Variants in CDK14 observed in about 807,000 individuals in gnomAD.
CDK14 encodes cyclin dependent kinase 14.
In CDK14, 34 loss-of-function variants were observed where a neutral mutation model predicts 60.7. The ratio of observed to expected loss-of-function variants is 0.56; its 90% confidence interval spans 0.43 to 0.75. The LOEUF is 0.75. Ranked by LOEUF, CDK14 falls within the 30% of genes least tolerant of loss-of-function variation. CDK14 has a pLI of 0.00. For missense variants in CDK14, 482 were observed against 564.1 expected (o/e 0.85, Z 1.47); for synonymous variants, 197 against 203.7 (o/e 0.97, Z 0.28).
At chr7:90,975,029 A>T (rs2115573063) in intron 9 of CDK14, among the ~76,000 whole-genome samples, 1 of 152,306 alleles carries the variant, frequency 6.6e-6, no homozygotes, top group Non-Finnish European at 1.5e-5. Flanking sequence ...AATGGTGGCT[A>T]ATACATTTAC....
At chr7:90,763,294 G>A (rs573500664) in intron 4 of CDK14, among the ~76,000 whole-genome samples, 1 of 152,246 alleles carries the variant, frequency 6.6e-6, no homozygotes, top group Admixed American at 6.5e-5. Context: ...GATCAGTACT[G>A]CCAAAGTAAA....
At chr7:90,890,551 A>C (rs151295785) in intron 6 of CDK14, among the ~76,000 whole-genome samples, 1,753 of 152,240 alleles carry the variant, frequency 0.012, 46 homozygotes, top group African/African-American at 0.04. Context: ...AATGATTCTC[A>C]TGTATTGGAA....
At chr7:90,627,248 T>C (rs1049107329) in intron 2 of CDK14, among the ~76,000 whole-genome samples, 1 of 152,086 alleles carries the variant, frequency 6.6e-6, no homozygotes, top group Non-Finnish European at 1.5e-5. Flanking sequence ...TCTCCTTTTT[T>C]GTCCAGGTTG....
At chr7:90,637,842 G>C (rs1308190777) in intron 2 of CDK14, among the ~76,000 whole-genome samples, 1 of 149,430 alleles carries the variant, frequency 6.7e-6, no homozygotes, top group Non-Finnish European at 1.5e-5. Context: ...TATATATTTA[G>C]GATAGTTAGC....
intron 14 of CDK14, among the ~76,000 whole-genome samples, chr7:91,206,237 A>C (rs1375089031): frequency 6.6e-6 from 1 of 152,158 alleles, no homozygotes; most frequent in Non-Finnish European, 1.5e-5. Context: ...TGAAGTCTCA[A>C]AAAAAGGACA....
intron 2 of CDK14, among the ~76,000 whole-genome samples, chr7:90,669,263 A>G (rs1417258054): frequency 1.3e-5 from 2 of 152,082 alleles, no homozygotes; most frequent in Non-Finnish European, 2.9e-5. Flanking sequence ...CAAACAACCA[A>G]GTTGTAATGG....
chr7:90,752,708 A>G (rs6945361), intron 4 of CDK14, among the ~76,000 whole-genome samples: 1,884 of 152,258 alleles, frequency 0.012, 12 homozygotes, highest in Non-Finnish European at 0.019. Flanking sequence ...TTAAAAATAA[A>G]TGAAATCAAA....
intron 8 of CDK14, among the ~76,000 whole-genome samples, chr7:90,935,694 C>G (rs935100718): frequency 2.0e-5 from 3 of 151,976 alleles, no homozygotes; most frequent in Middle Eastern, 3.4e-3. Flanking sequence ...CATGTATTTG[C>G]TTTTACAATT....
rs1468969446 is a variant in CDK14 at position 91,177,072 on chromosome 7, C to T, written c.*29-30093C>T. On this transcript the variant is annotated intron_variant, in intron 14 of 14. Transcript: ENST00000380050. ...GCAAAAATCCTCAATAAAATACTGG[C>T]AAACTGAATCCAGCAGCACATCAAA... Among the ~76,000 whole-genome samples, 379 of 149,660 alleles carry T rather than the reference C, an allele frequency of 2.5e-3. 3 individuals are homozygous for T. The highest frequency in any genetic ancestry group is 8.1e-3 in the African/African-American group (332 of 41,076).
chr7:91,137,218 T>A (rs1172798977), intron 14 of CDK14, among the ~76,000 whole-genome samples: 2 of 152,220 alleles, frequency 1.3e-5, no homozygotes, highest in African/African-American at 4.8e-5. Flanking sequence ...AAGTGGTGCA[T>A]TTCTTTCTCC....
At position 90,843,791 on chromosome 7, in the gene CDK14, A is replaced by G. The variant is rs140605076; in HGVS notation, c.545-19384A>G. ...GAAAATGCTTGTAAAGGCATGCTGT[A>G]GGGAAGGTCAATAGCCTGGAAGAAA... On this transcript the variant is annotated intron_variant, in intron 5 of 14. Coordinates refer to ENST00000380050, the MANE Select transcript of CDK14 (RefSeq NM_001287135.2). 2.9e-3 allele frequency among the ~76,000 whole-genome samples: 438 copies of G among 152,316 alleles called. 3 individuals carry two copies. Among genetic ancestry groups the G allele is most frequent in the African/African-American group, 0.01 (418 of 41,584 alleles).
chr7:91,200,622 T>C (rs761115681), intron 14 of CDK14, among the ~76,000 whole-genome samples: 1 of 152,160 alleles, frequency 6.6e-6, no homozygotes, highest in Non-Finnish European at 1.5e-5. Context: ...GGCCCTGGTT[T>C]TCTGACTGTG....
At chr7:90,848,500 C>T (rs910447927) in intron 5 of CDK14, among the ~76,000 whole-genome samples, 1 of 152,206 alleles carries the variant, frequency 6.6e-6, no homozygotes, top group African/African-American at 2.4e-5. Context: ...GCTGTTGGCT[C>T]TCTGTTGCTA....
chr7:91,168,239 CG>C (rs1562978524), intron 14 of CDK14, among the ~76,000 whole-genome samples: 1 of 138,932 alleles, frequency 7.2e-6, no homozygotes, highest in Non-Finnish European at 1.5e-5. Context: ...TCCAGCCTGG[CG>C]ACAGTGTGAG....
chr7:90,642,630 T>A (rs2116447234), intron 2 of CDK14, among the ~76,000 whole-genome samples: 1 of 152,330 alleles, frequency 6.6e-6, no homozygotes, highest in African/African-American at 2.4e-5. Context: ...TCTGCCTGCC[T>A]TGGCCTCCCA....
intron 8 of CDK14, among the ~76,000 whole-genome samples, chr7:90,932,707 TG>T (rs571504641): frequency 4.9e-4 from 74 of 152,322 alleles, no homozygotes; most frequent in African/African-American, 1.7e-3. Flanking sequence ...AGTTTCTGTG[TG>T]GTAAGAGTCT....
intron 2 of CDK14, among the ~76,000 whole-genome samples, chr7:90,662,543 A>G (rs556292319): frequency 6.6e-6 from 1 of 152,336 alleles, no homozygotes; most frequent in South Asian, 2.1e-4. Context: ...CTCTGTTAAG[A>G]GGAATAACCT....
At chr7:91,067,278 T>A (rs1037503689) in intron 11 of CDK14, among the ~76,000 whole-genome samples, 2 of 152,230 alleles carry the variant, frequency 1.3e-5, no homozygotes, top group Non-Finnish European at 2.9e-5. Flanking sequence ...AATAAAAATT[T>A]TATTCTAATT....
intron 8 of CDK14, among the ~76,000 whole-genome samples, chr7:90,938,727 G>C (rs1793827125): frequency 6.6e-6 from 1 of 152,130 alleles, no homozygotes; most frequent in Non-Finnish European, 1.5e-5. Flanking sequence ...GCCAGTAGTT[G>C]AAACAAAACA....
Sources: allele counts gnomAD v4.1 joint callset (sites outside exome capture counted in the v4.1 genomes callset), GRCh38; gene constraint gnomAD v4.1.1; transcripts MANE v1.5; gene names NCBI Gene and HGNC (gene_info 2026-07-23, HGNC 2026-07-21).